CDH6: variants seen among roughly 807,000 people sequenced by gnomAD.
CDH6 encodes cadherin 6.
CDH6 carries 31 observed loss-of-function variants against 78.0 expected under a neutral mutation model. The ratio of observed to expected loss-of-function variants is 0.40; its 90% CI spans 0.30 to 0.54. CDH6 has a LOEUF of 0.54. Among genes scored for constraint, CDH6 ranks in the 20% least tolerant of loss-of-function variants. CDH6 has a pLI of 0.56. For synonymous variants in CDH6, 376 were observed against 368.8 expected, an observed-to-expected ratio of 1.02 and a Z score of -0.23; for missense variants, 724 against 975.9, an observed-to-expected ratio of 0.74 and a Z score of 3.44.
chr5:31,305,124 G>C, intron 6 of CDH6, 50 bp from the exon 7 acceptor site: 1 of 1,567,758 alleles, frequency 6.4e-7, no homozygotes, highest in Non-Finnish European at 8.6e-7. Context: ...GGCTTTCTGT[G>C]TCTTGGCTGC....
chr5:31,325,137 A>G lies in CDH6; in HGVS notation c.*1829A>G, dbSNP rs1182721499. On this transcript the variant is annotated 3_prime_UTR_variant, in exon 12 of 12. Transcript: ENST00000265071. Reference sequence around the variant, plus strand: ...AAGTAAAGATGGAAACGTTAAAAGAAGAGAAATGTAGTATTTTGGGTTACC... The same window carrying G: ...AAGTAAAGATGGAAACGTTAAAAGAGGAGAAATGTAGTATTTTGGGTTACC... 1 of 227,130 alleles carries G rather than the reference A, an allele frequency of 4.4e-6. No individual in the cohort carries two copies. Among genetic ancestry groups the G allele is most frequent in the African/African-American group, 2.2e-5 (1 of 45,014 alleles). The allele number at this position is 227,130 out of a possible 1,614,324, so 14.1% of individuals were successfully genotyped here. A position where few individuals can be genotyped will look rare whatever the true frequency, so the allele number is the denominator to read the frequency against.
intron 1 of CDH6, among the ~76,000 whole-genome samples, chr5:31,221,030 G>C (rs764683214): frequency 2.6e-5 from 4 of 152,182 alleles, no homozygotes; most frequent in Non-Finnish European, 5.9e-5. Context: ...AGGCTGTTCA[G>C]GGGGGAGACA....
At chr5:31,314,597 ATTAG>A (rs543432078) in intron 8 of CDH6, among the ~76,000 whole-genome samples, 3 of 152,056 alleles carry the variant, frequency 2.0e-5, no homozygotes, top group Non-Finnish European at 4.4e-5. Flanking sequence ...CACATTAGAA[ATTAG>A]TTAGGTAGGA....
Position 31,199,429 on chromosome 5 carries a change from CAT to C in CDH6, c.-129+5546_-129+5547del, listed in dbSNP as rs1491005875. Among the ~76,000 whole-genome samples, 38 of 45,394 alleles carry C rather than the reference CAT, an allele frequency of 8.4e-4. No homozygotes were observed. In the South Asian group the frequency reaches 0.018, roughly 22 times the overall value. 29.8% of individuals were successfully genotyped at this position (45,394 alleles called of 152,430 possible). Reference sequence around the variant, plus strand: ...TTTACATGGTGTATATATGTACACACATATGTGTATATATACACACACATATG... The same window carrying C: ...TTTACATGGTGTATATATGTACACACATGTGTATATATACACACACATATG... On this transcript the variant is annotated intron_variant, in intron 1 of 11. Transcript: ENST00000265071.
rs1742391724 is a variant in CDH6, at chr5:31,267,397, G to A, written c.-77G>A. On this transcript the variant is annotated 5_prime_UTR_variant, in exon 2 of 12. Transcript: ENST00000265071. ...CATTAAGGAAGGAAGGAGGAATGAG[G>A]CTGGATACGGTGCAGTGAAAAAGGC... The A allele has an allele frequency of 1.0e-6, 1 of 974,646 alleles. No individual in the cohort carries two copies. Among genetic ancestry groups the A allele is most frequent in the South Asian group, 1.3e-5 (1 of 74,162 alleles). 60.4% of individuals were successfully genotyped at this position (974,646 alleles called of 1,614,324 possible).
At chr5:31,273,274 A>G (rs1205120366) in intron 2 of CDH6, among the ~76,000 whole-genome samples, 3 of 152,208 alleles carry the variant, frequency 2.0e-5, no homozygotes, top group Non-Finnish European at 4.4e-5. Flanking sequence ...AAGCTGAAGA[A>G]TAGAAACCTC....
intron 11 of CDH6, among the ~76,000 whole-genome samples, chr5:31,320,111 C>A (rs1738440014): frequency 6.6e-6 from 1 of 152,170 alleles, no homozygotes; most frequent in African/African-American, 2.4e-5. Context: ...CTGCTGAGGG[C>A]ACCTCATAGG....
At chr5:31,233,845 C>A (rs2111858956) in intron 1 of CDH6, among the ~76,000 whole-genome samples, 1 of 152,320 alleles carries the variant, frequency 6.6e-6, no homozygotes, top group South Asian at 2.1e-4. Context: ...CCTCCATAGG[C>A]CTCACCAATG....
At chr5:31,241,810 C>A (rs1358211111) in intron 1 of CDH6, among the ~76,000 whole-genome samples, 1 of 152,188 alleles carries the variant, frequency 6.6e-6, no homozygotes, top group African/African-American at 2.4e-5. Flanking sequence ...AGCTGCAAAG[C>A]AGGTTGGAAA....
rs1250259495 is a variant in CDH6 at position 31,263,522 on chromosome 5, A to G, written c.-128-3824A>G. On this transcript the variant is annotated intron_variant, in intron 1 of 11. Coordinates refer to ENST00000265071, the MANE Select transcript of CDH6 (RefSeq NM_004932.4). ...GGTCTCCAACTCCTGACCTCAGGCG[A>G]TCCACCCACCTCGGCCTTCCAAAGT... Among the ~76,000 whole-genome samples the G allele has an allele frequency of 2.8e-5, 4 of 144,586 alleles. No individual in the cohort carries two copies. In the East Asian group the frequency reaches 8.1e-4, roughly 29 times the overall value. 94.9% of individuals were successfully genotyped at this position (144,586 alleles called of 152,430 possible). A position where few individuals can be genotyped will look rare whatever the true frequency, so the allele number is the denominator to read the frequency against.
Position 31,328,889 on chromosome 5 carries a change from T to C in CDH6, c.*5581T>C, listed in dbSNP as rs1176757602. 2 of 219,664 alleles carry C rather than the reference T, an allele frequency of 9.1e-6. No individual in the cohort carries two copies. The highest frequency in any genetic ancestry group is 1.8e-5 in the Non-Finnish European group (2 of 109,598). The allele number at this position is 219,664 out of a possible 1,614,324, so 13.6% of individuals were successfully genotyped here. On this transcript the variant is annotated 3_prime_UTR_variant, in exon 12 of 12. Coordinates refer to ENST00000265071, the MANE Select transcript of CDH6 (RefSeq NM_004932.4). ...TAACCCCACAGTTTACCTGAGAAAG[T>C]TTTCTGTGTTAGAAGAATGGGGTCG...
chr5:31,323,442 T>A lies in CDH6; in HGVS notation c.*134T>A. 1 of 1,054,180 alleles carries A rather than the reference T, an allele frequency of 9.5e-7. No homozygotes were observed. Among genetic ancestry groups the A allele is most frequent in the Non-Finnish European group, 1.4e-6 (1 of 735,726 alleles). The allele number at this position is 1,054,180 out of a possible 1,614,324, so 65.3% of individuals were successfully genotyped here. On this transcript the variant is annotated 3_prime_UTR_variant, in exon 12 of 12. Coordinates refer to ENST00000265071, the MANE Select transcript of CDH6 (RefSeq NM_004932.4). ...AGCCAATGGCTGCAGTCCGTGTGGATCCAATGTTAGAGACTTTTTTCTAGT... is the reference window on the plus strand; with the variant it reads ...AGCCAATGGCTGCAGTCCGTGTGGAACCAATGTTAGAGACTTTTTTCTAGT...
chr5:31,284,690 G>A (rs1311050148), intron 2 of CDH6, among the ~76,000 whole-genome samples: 1 of 151,934 alleles, frequency 6.6e-6, no homozygotes, highest in Non-Finnish European at 1.5e-5. Flanking sequence ...AGTGAGGGAC[G>A]TGAGATGTAG....
intron 8 of CDH6, 144 bp from the exon 9 acceptor site, chr5:31,316,064 C>G (rs923466259): frequency 3.9e-6 from 3 of 770,014 alleles, no homozygotes; most frequent in Non-Finnish European, 5.9e-6. Context: ...CTTTTTGTGA[C>G]CACACTGGTA....
In CDH6 at chr5:31,299,606, C is replaced by T. The variant is rs753390985; in HGVS notation, c.786C>T (p.Asn262=). The T allele has an allele frequency of 2.2e-5, 35 of 1,613,204 alleles. No homozygotes were observed. The highest frequency in any genetic ancestry group is 1.6e-4 in the African/African-American group (12 of 74,858). The change falls in exon 5 of 12, where the codon AAC becomes AAT. Residue 262 remains asparagine (N), a synonymous_variant. Transcript: ENST00000265071. ...TGAACATCACACTGACTGATGTCAA[C>T]GACAACCCTCCCCGATTCCCCCAGA... ...TTVNITLTDV[N]DNPPRFPQST... is the part of the protein sequence containing the mutation.
chr5:31,287,863 C>T (rs1001085099), intron 2 of CDH6, among the ~76,000 whole-genome samples: 6 of 152,190 alleles, frequency 3.9e-5, no homozygotes, highest in African/African-American at 7.2e-5. Context: ...TGAGAACCAC[C>T]GACTTAGGGT....
chr5:31,309,147 A>G (rs569791611), intron 7 of CDH6, among the ~76,000 whole-genome samples: 44 of 152,170 alleles, frequency 2.9e-4, no homozygotes, highest in Non-Finnish European at 5.7e-4. Flanking sequence ...TAATAAAAAC[A>G]TAAGTTTATG....
chr5:31,299,348 C>T, intron 4 of CDH6, 116 bp from the exon 5 acceptor site: 2 of 735,198 alleles, frequency 2.7e-6, no homozygotes, highest in Non-Finnish European at 4.5e-6. Context: ...GTCACCATGA[C>T]ATCTGCATAG....
At chr5:31,247,893 C>A (rs1378996016) in intron 1 of CDH6, among the ~76,000 whole-genome samples, 1 of 152,082 alleles carries the variant, frequency 6.6e-6, no homozygotes, top group Non-Finnish European at 1.5e-5. Context: ...TACCCTGCAG[C>A]CCAAATAGAA....
Sources: gnomAD v4.1 joint callset for allele counts (sites outside exome capture counted in the v4.1 genomes callset) on GRCh38, gnomAD v4.1.1 for gene constraint, MANE v1.5 for transcripts, NCBI Gene and HGNC (gene_info 2026-07-23, HGNC 2026-07-21) for gene names.